AGBL4: variants seen among roughly 807,000 people sequenced by gnomAD.
AGBL4 encodes the protein AGBL carboxypeptidase 4.
A neutral mutation model predicts 66.4 loss-of-function variants in AGBL4; 58 were observed. The observed-to-expected ratio is 0.87, with a 90% confidence interval of 0.71 to 1.09. The LOEUF is 1.09. AGBL4 is among the 50% of genes least tolerant of loss of function. The pLI, the probability that AGBL4 is intolerant of heterozygous loss-of-function variation, is 0.00. For missense variants in AGBL4, 579 were observed against 631.0 expected (o/e 0.92, Z 0.88); for synonymous variants, 234 against 222.9 (o/e 1.05, Z -0.44).
intron 5 of AGBL4, among the ~76,000 whole-genome samples, chr1:48,916,344 T>C (rs961917128): frequency 7.2e-5 from 11 of 152,190 alleles, no homozygotes; most frequent in Non-Finnish European, 1.6e-4. Context: ...AGGACATCTC[T>C]AGCCACAGAG....
At chr1:49,130,790 G>A (rs1322851831) in intron 4 of AGBL4, among the ~76,000 whole-genome samples, 3 of 151,938 alleles carry the variant, frequency 2.0e-5, no homozygotes, top group Non-Finnish European at 2.9e-5. Context: ...TTGACTTGGC[G>A]ATGTGGGCTC....
At chr1:49,166,316 T>C (rs967828536) in intron 4 of AGBL4, among the ~76,000 whole-genome samples, 1 of 152,172 alleles carries the variant, frequency 6.6e-6, no homozygotes, top group African/African-American at 2.4e-5. Context: ...GATACTGTTA[T>C]ATCTGGCATG....
At chr1:49,829,006 T>C (rs1304560482) in intron 2 of AGBL4, among the ~76,000 whole-genome samples, 1 of 151,562 alleles carries the variant, frequency 6.6e-6, no homozygotes, top group African/African-American at 2.4e-5. Context: ...GAGGCGGAGC[T>C]TGCAGTCAGC....
At chr1:49,138,619 C>T (rs1446203000) in intron 4 of AGBL4, among the ~76,000 whole-genome samples, 1 of 152,176 alleles carries the variant, frequency 6.6e-6, no homozygotes, top group East Asian at 1.9e-4. Context: ...CTTTCTGTGG[C>T]TCTGTTGGCC....
intron 6 of AGBL4, among the ~76,000 whole-genome samples, chr1:48,668,301 T>C (rs1646221782): frequency 6.6e-6 from 1 of 152,152 alleles, no homozygotes. Flanking sequence ...CACCACCCTT[T>C]CCAGTGCACC....
intron 3 of AGBL4, among the ~76,000 whole-genome samples, chr1:49,556,617 C>G (rs1431949768): frequency 1.3e-5 from 2 of 151,962 alleles, no homozygotes; most frequent in Admixed American, 1.3e-4. Context: ...TCTAAGTCAC[C>G]ACCCGACTCA....
chr1:49,512,909 C>T (rs1326673209), intron 3 of AGBL4, among the ~76,000 whole-genome samples: 2 of 151,932 alleles, frequency 1.3e-5, no homozygotes, highest in African/African-American at 4.8e-5. Context: ...AAAAGTTGTA[C>T]TCTTTTCAAA....
chr1:49,203,696 C>G (rs1647901855), intron 4 of AGBL4, among the ~76,000 whole-genome samples: 1 of 152,070 alleles, frequency 6.6e-6, no homozygotes, highest in Admixed American at 6.6e-5. Flanking sequence ...CCCAGCTACT[C>G]AGGAGGTTGA....
chr1:49,177,374 C>T (rs1326295058), intron 4 of AGBL4, among the ~76,000 whole-genome samples: 1 of 152,160 alleles, frequency 6.6e-6, no homozygotes, highest in African/African-American at 2.4e-5. Context: ...GCTCTTTTAA[C>T]CAGTCACATC....
chr1:49,198,491 C>T (rs1010860760), intron 4 of AGBL4, among the ~76,000 whole-genome samples: 1 of 152,044 alleles, frequency 6.6e-6, no homozygotes, highest in Non-Finnish European at 1.5e-5. Flanking sequence ...CAGGTGCACA[C>T]CACCATGCCT....
intron 4 of AGBL4, among the ~76,000 whole-genome samples, chr1:49,122,363 TTC>T (rs1645675462): frequency 6.6e-6 from 1 of 152,208 alleles, no homozygotes; most frequent in East Asian, 1.9e-4. Context: ...ACATTTTTTT[TTC>T]TTAGTAATAC....
chr1:49,352,095 C>A (rs1443789622), intron 3 of AGBL4, among the ~76,000 whole-genome samples: 1 of 152,188 alleles, frequency 6.6e-6, no homozygotes, highest in Non-Finnish European at 1.5e-5. Context: ...ACTGACAAAC[C>A]TTTAATCCTT....
intron 1 of AGBL4, 96 bp from the exon 2 acceptor site, chr1:49,851,614 T>C (rs749250362): frequency 2.3e-5 from 30 of 1,294,662 alleles, no homozygotes; most frequent in Non-Finnish European, 2.9e-5. Context: ...AGTCACCAAG[T>C]GTTAACCCAA....
At chr1:49,643,777 T>C (rs1645830998) in intron 3 of AGBL4, among the ~76,000 whole-genome samples, 1 of 151,780 alleles carries the variant, frequency 6.6e-6, no homozygotes, top group East Asian at 1.9e-4. Flanking sequence ...CTAGTATATA[T>C]GTAATGAAAT....
At chr1:48,862,568 GCCTCA>G (rs1447577949) in intron 6 of AGBL4, among the ~76,000 whole-genome samples, 1 of 152,116 alleles carries the variant, frequency 6.6e-6, no homozygotes, top group East Asian at 1.9e-4. Context: ...TGATCTGCCT[GCCTCA>G]GCCTCCCAGT....
At chr1:49,956,956 T>C (rs1656659559) in intron 1 of AGBL4, among the ~76,000 whole-genome samples, 1 of 152,004 alleles carries the variant, frequency 6.6e-6, no homozygotes, top group Non-Finnish European at 1.5e-5. Context: ...AGAATTTGTC[T>C]ATACAGTGTC....
intron 4 of AGBL4, among the ~76,000 whole-genome samples, chr1:49,103,272 T>C (rs1489949605): frequency 3.3e-5 from 5 of 152,154 alleles, no homozygotes; most frequent in Non-Finnish European, 7.3e-5. Flanking sequence ...ACAGGTCCCT[T>C]AACCCAGGAC....
At chr1:49,560,081 T>C (rs906181448) in intron 3 of AGBL4, among the ~76,000 whole-genome samples, 3 of 152,018 alleles carry the variant, frequency 2.0e-5, no homozygotes, top group Non-Finnish European at 4.4e-5. Flanking sequence ...CTCAAGAACA[T>C]CTACCAGCAT....
At chr1:48,618,768 C>A (rs1316386065) in intron 9 of AGBL4, among the ~76,000 whole-genome samples, 1 of 152,168 alleles carries the variant, frequency 6.6e-6, no homozygotes, top group East Asian at 1.9e-4. Context: ...ATTTACCTAG[C>A]ATGCTCAATC....
Sources: allele counts gnomAD v4.1 joint callset (sites outside exome capture counted in the v4.1 genomes callset), GRCh38; gene constraint gnomAD v4.1.1; transcripts MANE v1.5; gene names NCBI Gene and HGNC (gene_info 2026-07-23, HGNC 2026-07-21).